Variants in PABPC4L observed in about 807,000 individuals in gnomAD.
PABPC4L encodes the protein poly(A) binding protein cytoplasmic 4 like, also known as polyadenylate-binding protein 4-like.
For synonymous variants in PABPC4L, 169 were observed against 164.1 expected (o/e 1.03, Z -0.23); for missense variants, 452 against 451.4 (o/e 1.00, Z -0.01).
chr4:134,131,455 A>C, the PABPC4L span, among the ~76,000 whole-genome samples: 1,928 of 151,906 alleles, frequency 0.013, 42 homozygotes, highest in African/African-American at 0.041. Context: ...TACCTGCAAA[A>C]AAATTAAAAT....
chr4:133,968,695 A>G, the PABPC4L span, among the ~76,000 whole-genome samples: 1 of 152,180 alleles, frequency 6.6e-6, no homozygotes, highest in African/African-American at 2.4e-5. Flanking sequence ...TTACATAAGA[A>G]AAAAAGAAAA....
At chr4:134,061,778 C>T in the PABPC4L span, among the ~76,000 whole-genome samples, 2 of 149,896 alleles carry the variant, frequency 1.3e-5, no homozygotes, top group African/African-American at 2.5e-5. Context: ...CATAAATGCT[C>T]ATGTCTTAAT....
chr4:133,950,248 T>C, the PABPC4L span, among the ~76,000 whole-genome samples: 1 of 152,182 alleles, frequency 6.6e-6, no homozygotes, highest in South Asian at 2.1e-4. Flanking sequence ...AGGTTGCAGT[T>C]GGGAGAGGGA....
chr4:134,025,933 G>A, the PABPC4L span, among the ~76,000 whole-genome samples: 1 of 152,078 alleles, frequency 6.6e-6, no homozygotes, highest in Non-Finnish European at 1.5e-5. Flanking sequence ...CCAAGGAAGG[G>A]AGATATTTTA....
At chr4:134,047,316 C>A in the PABPC4L span, among the ~76,000 whole-genome samples, 1 of 152,042 alleles carries the variant, frequency 6.6e-6, no homozygotes, top group Non-Finnish European at 1.5e-5. Flanking sequence ...CGGATCCCTT[C>A]CCAATCCCCA....
the PABPC4L span, among the ~76,000 whole-genome samples, chr4:134,075,301 G>T: frequency 6.8e-4 from 103 of 152,134 alleles, 3 homozygotes; most frequent in East Asian, 0.017. Context: ...GATTAAGGAG[G>T]TCAAAGAGCT....
the PABPC4L span, among the ~76,000 whole-genome samples, chr4:134,007,928 G>C: frequency 6.6e-6 from 1 of 151,696 alleles, no homozygotes; most frequent in Non-Finnish European, 1.5e-5. Flanking sequence ...TATTTTAAAA[G>C]AGAAATAGTA....
the PABPC4L span, among the ~76,000 whole-genome samples, chr4:134,066,180 A>T: frequency 6.6e-6 from 1 of 152,046 alleles, no homozygotes; most frequent in Non-Finnish European, 1.5e-5. Context: ...TTGAATCTCT[A>T]AATAGCTTTG....
the PABPC4L span, among the ~76,000 whole-genome samples, chr4:134,045,612 C>A: frequency 6.6e-6 from 1 of 152,102 alleles, no homozygotes; most frequent in Non-Finnish European, 1.5e-5. Flanking sequence ...TAACCAGCAG[C>A]GTGGGTCTAA....
chr4:133,996,868 C>T, the PABPC4L span, among the ~76,000 whole-genome samples: 5 of 151,882 alleles, frequency 3.3e-5, no homozygotes, highest in South Asian at 6.2e-4. Flanking sequence ...TTAACATTGT[C>T]GACCCCCTAG....
At chr4:134,004,109 G>A in the PABPC4L span, among the ~76,000 whole-genome samples, 1 of 151,472 alleles carries the variant, frequency 6.6e-6, no homozygotes, top group Non-Finnish European at 1.5e-5. Context: ...ATACCTCAAA[G>A]GCACAGGCAA....
At chr4:134,017,065 C>A in the PABPC4L span, among the ~76,000 whole-genome samples, 6 of 152,164 alleles carry the variant, frequency 3.9e-5, no homozygotes, top group Non-Finnish European at 8.8e-5. Flanking sequence ...CTTCCCACCT[C>A]TATACAGTCC....
the PABPC4L span, among the ~76,000 whole-genome samples, chr4:134,057,090 A>C: frequency 2.3e-3 from 344 of 152,160 alleles, 2 homozygotes; most frequent in South Asian, 4.1e-3. Flanking sequence ...GTTATGAATA[A>C]ATATGAAGTG....
At chr4:133,966,153 C>A in the PABPC4L span, among the ~76,000 whole-genome samples, 2 of 152,122 alleles carry the variant, frequency 1.3e-5, no homozygotes, top group East Asian at 3.9e-4. Flanking sequence ...GGGCTAGGGA[C>A]ATGAATAGAT....
chr4:134,187,549 G>C, the PABPC4L span, among the ~76,000 whole-genome samples: 13 of 124,020 alleles, frequency 1.0e-4, no homozygotes, highest in South Asian at 6.6e-4. Flanking sequence ...GTCGTGGGGT[G>C]GGGGGAGGGA....
the PABPC4L span, among the ~76,000 whole-genome samples, chr4:134,014,744 A>G: frequency 2.6e-5 from 4 of 151,866 alleles, no homozygotes; most frequent in East Asian, 7.8e-4. Context: ...CCCCTTCTTA[A>G]TCAATACAAA....
In PABPC4L at chr4:134,200,401, T is replaced by C; in HGVS notation, c.619A>G (p.Lys207Glu). 6.4e-7 allele frequency: 1 copy of C among 1,560,274 alleles called. No homozygotes were observed. The highest frequency in any genetic ancestry group is 1.2e-5 in the South Asian group (1 of 84,738). Residue 207 changes from lysine (K) to glutamate (E), a missense_variant, in exon 2 of 2, where the codon AAG becomes GAG. Lys to Glu is a moderately conservative substitution (Grantham distance 56, BLOSUM62 1). Coordinates refer to ENST00000421491, the MANE Select transcript of PABPC4L (RefSeq NM_001114734.2). ...TTGCCATATTTGCTGAAAACGTCCT[T>C]CAATCTCTCATCATCCATGTCACCT... is the stretch of plus-strand genomic sequence containing the variant. ...FGGDMDDERL[K>E]DVFSKYGKTL...
At chr4:134,154,510 T>C in the PABPC4L span, among the ~76,000 whole-genome samples, 3 of 152,076 alleles carry the variant, frequency 2.0e-5, no homozygotes, top group African/African-American at 7.2e-5. Flanking sequence ...ATTTTACATA[T>C]GATTTGCAGT....
the PABPC4L span, among the ~76,000 whole-genome samples, chr4:134,001,905 C>G: frequency 2.6e-5 from 4 of 152,052 alleles, no homozygotes; most frequent in South Asian, 8.3e-4. Context: ...CAGTAGTGTT[C>G]ATGGTTTCAG....
Sources: gnomAD v4.1 joint callset for allele counts (sites outside exome capture counted in the v4.1 genomes callset) on GRCh38, gnomAD v4.1.1 for gene constraint, MANE v1.5 for transcripts, NCBI Gene and HGNC (gene_info 2026-07-23, HGNC 2026-07-21) for gene names.